Variants in ITGAE observed in about 807,000 individuals in gnomAD.
The protein encoded by ITGAE is integrin subunit alpha E.
Under a neutral mutation model 136.5 loss-of-function variants are expected in ITGAE, and 99 were observed. The observed-to-expected ratio is 0.73, with a 90% CI of 0.62 to 0.86. ITGAE has a LOEUF of 0.86. Among genes scored for constraint, ITGAE ranks in the 40% least tolerant of loss-of-function variants. The pLI is 0.00. For synonymous variants in ITGAE, 613 were observed against 591.8 expected (o/e 1.04, Z -0.52); for missense variants, 1,447 against 1,515.3 (o/e 0.95, Z 0.75).
chr17:3,782,373 T>TGTG (rs2052687906), intron 1 of ITGAE, among the ~76,000 whole-genome samples: 1 of 130,178 alleles, frequency 7.7e-6, no homozygotes, highest in Non-Finnish European at 1.7e-5. Flanking sequence ...GTGTGTGTAC[T>TGTG]TTTTTTTTTT....
chr17:3,739,204 C>A (rs761542173), intron 20 of ITGAE, among the ~76,000 whole-genome samples: 5 of 152,184 alleles, frequency 3.3e-5, no homozygotes, highest in Non-Finnish European at 5.9e-5. Flanking sequence ...TCCGTGACCA[C>A]CCCATTGAAA....
At chr17:3,714,985 GC>G in intron 30 of ITGAE, 43 bp from the exon 31 acceptor site, 1 of 1,208,176 alleles carries the variant, frequency 8.3e-7, no homozygotes, top group Non-Finnish European at 1.2e-6. Context: ...GCCAAAGATA[GC>G]CATCTGTTTC....
At chr17:3,747,706 T>A (rs559587784) in intron 17 of ITGAE, among the ~76,000 whole-genome samples, 1 of 152,048 alleles carries the variant, frequency 6.6e-6, no homozygotes, top group South Asian at 2.1e-4. Flanking sequence ...CCCTTCTGAG[T>A]GTGGACATAA....
At chr17:3,741,796 GC>G (rs1434237418) in intron 19 of ITGAE, among the ~76,000 whole-genome samples, 3 of 152,264 alleles carry the variant, frequency 2.0e-5, no homozygotes, top group East Asian at 3.9e-4. Context: ...GCATAACCTG[GC>G]CAGGCATGGT....
chr17:3,747,148 G>A (rs2051736199), intron 17 of ITGAE, among the ~76,000 whole-genome samples: 1 of 152,226 alleles, frequency 6.6e-6, no homozygotes, highest in Non-Finnish European at 1.5e-5. Flanking sequence ...TTCAGGTAAG[G>A]AAAGAGAAAC....
In ITGAE at chr17:3,750,261, C is replaced by T. The variant is rs555444285; in HGVS notation, c.2024+91G>A. ...CACAACCACGGTGCTGGCTCCCTCC[C>T]TCAGTGCCTAATGTCTGCATGGAGC... On this transcript the variant is annotated intron_variant, in intron 16 of 30. Transcript: ENST00000263087. 47 of 1,528,494 alleles carry T rather than the reference C, an allele frequency of 3.1e-5. No homozygotes were observed. In the South Asian group the frequency reaches 5.5e-4, roughly 18 times the overall value. 94.7% of individuals were successfully genotyped at this position (1,528,494 alleles called of 1,614,324 possible).
At chr17:3,715,235 C>G (rs2050920192) in intron 30 of ITGAE, among the ~76,000 whole-genome samples, 1 of 152,148 alleles carries the variant, frequency 6.6e-6, no homozygotes, top group African/African-American at 2.4e-5. Context: ...TGTACTGGAT[C>G]TAATCTTATT....
rs200679546 is a variant in ITGAE, at chr17:3,720,449, A to G, written c.3238-47T>C. The G allele has an allele frequency of 3.2e-4, 279 of 871,924 alleles. 1 individual carries two copies. The African/African-American group carries it at 4.2e-3, about 13-fold the overall frequency. The allele number at this position is 871,924 out of a possible 1,614,324, so 54.0% of individuals were successfully genotyped here. A position where few individuals can be genotyped will look rare whatever the true frequency, so the allele number is the denominator to read the frequency against. On this transcript the variant is annotated intron_variant, in intron 28 of 30. Coordinates refer to ENST00000263087, the MANE Select transcript of ITGAE (RefSeq NM_002208.5). ...GAGGGAAACAAAACATATTTTAGAC[A>G]TGAACTCACTGTGTTTGAACAGCCT...
intron 12 of ITGAE, chr17:3,754,799 G>T: frequency 4.3e-6 from 1 of 229,982 alleles, no homozygotes; most frequent in South Asian, 4.6e-5. Flanking sequence ...TCTAGGCCCC[G>T]CCCTCACCCA....
chr17:3,753,198 G>T, intron 14 of ITGAE, 92 bp downstream of exon 14: 3 of 1,414,996 alleles, frequency 2.1e-6, no homozygotes. Context: ...ACTGGTGCCA[G>T]GCAGGGCCAG....
At chr17:3,750,521 G>A (rs777347111) in intron 15 of ITGAE, 39 bp from the exon 16 acceptor site, 1 of 1,612,218 alleles carries the variant, frequency 6.2e-7, no homozygotes, top group Non-Finnish European at 8.5e-7. Flanking sequence ...GCGAGGGAAG[G>A]GAGGGAAACG....
chr17:3,762,551 A>C (rs116849986), intron 3 of ITGAE, among the ~76,000 whole-genome samples: 1 of 145,964 alleles, frequency 6.9e-6, no homozygotes, highest in East Asian at 2.1e-4. Context: ...TGCTGGACTG[A>C]GATTGAGTCT....
At position 3,762,180 on chromosome 17, in the gene ITGAE, C is replaced by T. The variant is rs570624072; in HGVS notation, c.248-198G>A. 3.2e-4 allele frequency among the ~76,000 whole-genome samples: 49 copies of T among 152,308 alleles called. 1 individual carries two copies. The South Asian group carries it at 9.7e-3, about 30-fold the overall frequency. On this transcript the variant is annotated intron_variant, in intron 3 of 30. Transcript: ENST00000263087. ...ACGTTCAGGGCCGAGTGCCCATCCC[C>T]GGGGCTCATTTGCTGACCCTTTCAA...
intron 1 of ITGAE, among the ~76,000 whole-genome samples, chr17:3,787,729 C>T (rs2052834124): frequency 6.6e-6 from 1 of 151,576 alleles, no homozygotes; most frequent in South Asian, 2.1e-4. Context: ...GCTCCGTCGC[C>T]CAGGCTGGAG....
chr17:3,791,354 C>T (rs2052934629), intron 1 of ITGAE, among the ~76,000 whole-genome samples: 2 of 151,934 alleles, frequency 1.3e-5, no homozygotes, highest in African/African-American at 4.8e-5. Flanking sequence ...GCGATCTCAG[C>T]TCACTACAAC....
At chr17:3,769,853 C>T (rs1012789276) in intron 2 of ITGAE, among the ~76,000 whole-genome samples, 45 of 151,968 alleles carry the variant, frequency 3.0e-4, no homozygotes, top group Non-Finnish European at 5.3e-4. Context: ...CCACCACACC[C>T]GGTTAATTTT....
chr17:3,737,008 G>A (rs1325625662), intron 20 of ITGAE, among the ~76,000 whole-genome samples: 1 of 151,920 alleles, frequency 6.6e-6, no homozygotes, highest in African/African-American at 2.4e-5. Flanking sequence ...AAACAGTAGT[G>A]GATGCCTGGA....
rs963267186 is a variant in ITGAE at position 3,728,042 on chromosome 17, A to C, written c.2977-16T>G. 1.1e-5 allele frequency: 18 copies of C among 1,609,954 alleles called. No individual in the cohort carries two copies. Among genetic ancestry groups the C allele is most frequent in the Non-Finnish European group, 1.4e-5 (17 of 1,176,162 alleles). On this transcript the variant is annotated splice_polypyrimidine_tract_variant and intron_variant, in intron 25 of 30. Coordinates refer to ENST00000263087, the MANE Select transcript of ITGAE (RefSeq NM_002208.5). ...CCCCATGTACCTGCAAATTAAAATC[A>C]GAGTAGGAAATCAAAGCTGGTATTG...
In ITGAE at chr17:3,757,163, A is replaced by C. The variant is rs760273434; in HGVS notation, c.1021-29T>G. The C allele has an allele frequency of 3.1e-6, 5 of 1,608,098 alleles. No homozygotes were observed. The South Asian group carries it at 4.4e-5, about 14-fold the overall frequency. On this transcript the variant is annotated intron_variant, in intron 9 of 30. Transcript: ENST00000263087. ...CACAGACAGCCTGGGTCAGCGAGTC[A>C]GCGCTGCGTGGATTCCCCAGGCCCA...
Sources: gnomAD v4.1 joint callset for allele counts (sites outside exome capture counted in the v4.1 genomes callset) on GRCh38, gnomAD v4.1.1 for gene constraint, MANE v1.5 for transcripts, NCBI Gene and HGNC (gene_info 2026-07-23, HGNC 2026-07-21) for gene names.